Variants in VEZT observed in about 807,000 individuals in gnomAD.
The protein encoded by VEZT is vezatin, adherens junctions transmembrane protein.
VEZT carries 39 observed loss-of-function variants against 79.9 expected under a neutral mutation model. The ratio of observed to expected loss-of-function variants is 0.49; its 90% CI spans 0.38 to 0.64. The LOEUF (loss-of-function observed/expected upper bound fraction) is 0.64. Ranked by LOEUF, VEZT falls within the 30% of genes least tolerant of loss-of-function variation. VEZT has a pLI of 0.00. For missense variants in VEZT, 837 were observed against 893.1 expected (o/e 0.94, Z 0.80); for synonymous variants, 325 against 327.6 (o/e 0.99, Z 0.09).
chr12:95,289,417 CAAAAAAAAAA>C (rs146728004), intron 9 of VEZT, among the ~76,000 whole-genome samples: 2 of 69,466 alleles, frequency 2.9e-5, no homozygotes, highest in South Asian at 6.7e-4. Context: ...ACTCTTGTCT[CAAAAAAAAAA>C]AAAAAAAAAA....
chr12:95,292,847 CTTTTTTTT>C, intron 9 of VEZT, among the ~76,000 whole-genome samples: 1 of 96,482 alleles, frequency 1.0e-5, no homozygotes, highest in South Asian at 4.1e-4. Flanking sequence ...GTACCTGGCC[CTTTTTTTT>C]TTTTTTTTTT....
chr12:95,282,793 CAA>C (rs35758106), intron 8 of VEZT, 149 bp downstream of exon 8: 107,806 of 401,962 alleles, frequency 0.27, 13,692 homozygotes, highest in African/African-American at 0.46. Flanking sequence ...ATAAATATAG[CAA>C]AAAAAAAAAA....
rs941260936 is a variant in VEZT, at chr12:95,262,897, A to G, written c.259-9A>G. 3.8e-6 allele frequency: 6 copies of G among 1,565,308 alleles called. No individual in the cohort carries two copies. The African/African-American group carries it at 8.1e-5, about 21-fold the overall frequency. On this transcript the variant is annotated splice_polypyrimidine_tract_variant and intron_variant, in intron 3 of 11. Coordinates refer to ENST00000436874, the MANE Select transcript of VEZT (RefSeq NM_017599.4). ...GTTAATACCTCTCTTCTGGTATTTT[A>G]ATGGCAAGGATATTGGATTCCGACT...
chr12:95,274,619 T>C (rs2067261411), intron 6 of VEZT, 123 bp from the exon 7 acceptor site: 2 of 976,040 alleles, frequency 2.0e-6, no homozygotes. Flanking sequence ...GTTTAAAAAC[T>C]GCTGTAAACC....
At chr12:95,234,715 G>T (rs1291575058) in intron 1 of VEZT, among the ~76,000 whole-genome samples, 3 of 151,500 alleles carry the variant, frequency 2.0e-5, no homozygotes, top group African/African-American at 7.3e-5. Flanking sequence ...GGTGTGATTT[G>T]GCAGGGTCAC....
chr12:95,283,489 G>A (rs899850535), intron 8 of VEZT, among the ~76,000 whole-genome samples: 1 of 152,146 alleles, frequency 6.6e-6, no homozygotes, highest in African/African-American at 2.4e-5. Context: ...ACTTGACCCT[G>A]GGATACAAGG....
Position 95,282,591 on chromosome 12 carries a change from T to C in VEZT, c.1275T>C (p.Asn425=). 1.2e-6 allele frequency: 2 copies of C among 1,613,932 alleles called. No homozygotes were observed. The highest frequency in any genetic ancestry group is 1.7e-6 in the Non-Finnish European group (2 of 1,179,850). ...KTQQKSRELN[N]VHTAVRSLQL... ...AACAGAAGTCAAGAGAACTGAATAA[T>C]GTTCACACAGCAGTGCGTAGCTTGC... Residue 425 remains asparagine (N), a synonymous_variant, in exon 8 of 12, where the codon AAT becomes AAC. Coordinates refer to ENST00000436874, the MANE Select transcript of VEZT (RefSeq NM_017599.4).
intron 1 of VEZT, among the ~76,000 whole-genome samples, chr12:95,220,354 C>T (rs1405729124): frequency 6.6e-6 from 1 of 152,138 alleles, no homozygotes; most frequent in Non-Finnish European, 1.5e-5. Context: ...ACTCGGGAGG[C>T]TGAGGTGGGA....
intron 2 of VEZT, among the ~76,000 whole-genome samples, chr12:95,256,215 C>T (rs921320663): frequency 6.6e-6 from 1 of 152,040 alleles, no homozygotes; most frequent in African/African-American, 2.4e-5. Flanking sequence ...CTATGCCTGG[C>T]TAATTTTGTA....
In VEZT at chr12:95,274,648, G is replaced by C. The variant is rs554459692; in HGVS notation, c.849-94G>C. ...GTAAACCTCCTCATCCAAAAGTTCA[G>C]AATAAAGATTAGGGAATGTGATATA... On this transcript the variant is annotated intron_variant, in intron 6 of 11. Transcript: ENST00000436874. 1.8e-5 allele frequency: 24 copies of C among 1,344,770 alleles called. No homozygotes were observed. In the South Asian group the frequency reaches 3.9e-4, roughly 22 times the overall value. The allele number at this position is 1,344,770 out of a possible 1,614,324, so 83.3% of individuals were successfully genotyped here.
At chr12:95,290,800 TATAG>T (rs1267430576) in intron 9 of VEZT, 1 of 152,098 alleles carries the variant, frequency 6.6e-6, no homozygotes, top group African/African-American at 2.4e-5. Flanking sequence ...CCATATTTTA[TATAG>T]AATTTATATA....
intron 7 of VEZT, among the ~76,000 whole-genome samples, chr12:95,277,484 A>G (rs2068027614): frequency 6.6e-6 from 1 of 152,152 alleles, no homozygotes; most frequent in African/African-American, 2.4e-5. Flanking sequence ...ATGAGGAGAA[A>G]ATACCAAGAT....
At chr12:95,250,428 G>A (rs913454432) in intron 1 of VEZT, among the ~76,000 whole-genome samples, 4 of 150,142 alleles carry the variant, frequency 2.7e-5, no homozygotes, top group Non-Finnish European at 5.9e-5. Flanking sequence ...TCAGCCTCCT[G>A]AGTAGCTGAG....
Position 95,282,454 on chromosome 12 carries a change from G to A in VEZT, c.1138G>A (p.Gly380Ser). 6.2e-7 allele frequency: 1 copy of A among 1,613,920 alleles called. No individual in the cohort carries two copies. Among genetic ancestry groups the A allele is most frequent in the East Asian group, 2.2e-5 (1 of 44,876 alleles). Residue 380 changes from glycine to serine, a missense_variant, in exon 8 of 12, where the codon GGT becomes AGT. Physicochemically the swap from Gly to Ser is moderately conservative, Grantham distance 56 (BLOSUM62 0). Transcript: ENST00000436874. ...PHRILSDVTQGLPHAHSACLE... is the reference protein window; with the variant it reads ...PHRILSDVTQSLPHAHSACLE... ...TCGTATCTTATCTGATGTGACTCAA[G>A]GTCTACCTCATGCTCATTCTGCCTG... is the stretch of plus-strand genomic sequence containing the variant.
intron 1 of VEZT, among the ~76,000 whole-genome samples, chr12:95,228,427 A>C (rs956530768): frequency 2.6e-5 from 4 of 152,186 alleles, no homozygotes; most frequent in Admixed American, 6.5e-5. Context: ...GAACATATAC[A>C]TGGACAGTAT....
At chr12:95,278,323 C>T (rs1566233776) in intron 7 of VEZT, among the ~76,000 whole-genome samples, 1 of 152,198 alleles carries the variant, frequency 6.6e-6, no homozygotes, top group African/African-American at 2.4e-5. Flanking sequence ...TGCTCACTCA[C>T]AGTGTTTTAC....
In VEZT at chr12:95,300,598, G is replaced by T. The variant is rs2075096983; in HGVS notation, c.2265G>T (p.Met755Ile). 1.4e-5 allele frequency: 22 copies of T among 1,613,140 alleles called. No homozygotes were observed. The highest frequency in any genetic ancestry group is 1.9e-5 in the Non-Finnish European group (22 of 1,179,468). ...CTAGATCTCTCTCCTTTACCACCATGCAGGAACAGACTTTTGGTGGTGAGG... is the reference window on the plus strand; with the variant it reads ...CTAGATCTCTCTCCTTTACCACCATTCAGGAACAGACTTTTGGTGGTGAGG... ...VAARSLSFTTMQEQTFGGEEE... is the reference protein window; with the variant it reads ...VAARSLSFTTIQEQTFGGEEE... Residue 755 changes from methionine to isoleucine, a missense_variant, in exon 12 of 12, where the codon ATG becomes ATT. Coordinates refer to ENST00000436874, the MANE Select transcript of VEZT (RefSeq NM_017599.4).
At chr12:95,223,811 G>A (rs993151925) in intron 1 of VEZT, among the ~76,000 whole-genome samples, 1 of 152,068 alleles carries the variant, frequency 6.6e-6, no homozygotes, top group Non-Finnish European at 1.5e-5. Context: ...GAATTTGTTT[G>A]TGGTTTTAAA....
intron 9 of VEZT, among the ~76,000 whole-genome samples, chr12:95,293,203 G>A (rs1434889818): frequency 1.3e-5 from 2 of 152,188 alleles, no homozygotes; most frequent in East Asian, 3.9e-4. Context: ...TAACCCAGGT[G>A]TGACTAACTC....
Sources: allele counts gnomAD v4.1 joint callset (sites outside exome capture counted in the v4.1 genomes callset), GRCh38; gene constraint gnomAD v4.1.1; transcripts MANE v1.5; gene names NCBI Gene and HGNC (gene_info 2026-07-23, HGNC 2026-07-21).